STX16: variants seen among roughly 807,000 people sequenced by gnomAD.
The protein encoded by STX16 is syntaxin 16, also known as syntaxin-16.
A neutral mutation model predicts 42.7 loss-of-function variants in STX16; 28 were observed. That is an observed-to-expected ratio of 0.66 (90% CI 0.49 to 0.90). STX16 has a LOEUF of 0.90. Among genes scored for constraint, STX16 ranks in the 40% least tolerant of loss-of-function variants. The pLI is 0.00. For synonymous variants in STX16, 156 were observed against 155.2 expected, an observed-to-expected ratio of 1.00 and a Z score of -0.04; for missense variants, 361 against 420.9, an observed-to-expected ratio of 0.86 and a Z score of 1.24.
At chr20:58,665,789 C>T (rs971132458) in intron 2 of STX16, among the ~76,000 whole-genome samples, 39 of 152,264 alleles carry the variant, frequency 2.6e-4, no homozygotes, top group Admixed American at 2.2e-3. Flanking sequence ...TTAATCACGG[C>T]TCCTGGACGT....
Position 58,652,024 on chromosome 20 carries a change from A to G in STX16, c.18A>G (p.Leu6=). The change falls in exon 1 of 9, where the codon TTA becomes TTG. Residue 6 remains leucine (L), a synonymous_variant. Coordinates refer to ENST00000371141, the MANE Select transcript of STX16 (RefSeq NM_001001433.3). ...GGTGAGACATGGCCACCAGGCGTTT[A>G]ACCGACGCTTTCTTGTTGTTGCGGA... MATRR[L]TDAFLLLRNN... is the part of the protein sequence containing the mutation. 6.2e-7 allele frequency: 1 copy of G among 1,614,148 alleles called. No homozygotes were observed. Among genetic ancestry groups the G allele is most frequent in the Non-Finnish European group, 8.5e-7 (1 of 1,179,988 alleles).
In STX16 at chr20:58,651,958, A is replaced by C; in HGVS notation, c.-49A>C. 6.3e-7 allele frequency: 1 copy of C among 1,598,688 alleles called. No homozygotes were observed. Among genetic ancestry groups the C allele is most frequent in the East Asian group, 2.2e-5 (1 of 44,676 alleles). On this transcript the variant is annotated 5_prime_UTR_variant, in exon 1 of 9. Coordinates refer to ENST00000371141, the MANE Select transcript of STX16 (RefSeq NM_001001433.3). ...GAGAAAGAAAGTGAATAAATCAGGA[A>C]TATAAGTGGGCGGGGGGCCCCTGAG...
intron 2 of STX16, among the ~76,000 whole-genome samples, chr20:58,662,253 C>G (rs536221589): frequency 6.6e-6 from 1 of 152,354 alleles, no homozygotes; most frequent in East Asian, 1.9e-4. Context: ...GTGCCTGGGC[C>G]GGGCCCCAGT....
At chr20:58,667,423 G>A in intron 2 of STX16, 67 bp from the exon 3 acceptor site, 1 of 1,238,380 alleles carries the variant, frequency 8.1e-7, no homozygotes, top group Non-Finnish European at 1.2e-6. Context: ...ATTTAAGAGA[G>A]AGTAAGAGTA....
At chr20:58,652,860 A>G (rs2083501731) in intron 1 of STX16, among the ~76,000 whole-genome samples, 1 of 151,288 alleles carries the variant, frequency 6.6e-6, no homozygotes, top group South Asian at 2.1e-4. Flanking sequence ...CCCGTAAAAT[A>G]GCACTTTTTT....
In STX16 at chr20:58,673,687, A is replaced by G. The variant is rs1205061699; in HGVS notation, c.849A>G (p.Glu283=). Residue 283 remains glutamate, a synonymous_variant, in exon 8 of 9, where the codon GAA becomes GAG. Transcript: ENST00000371141. The stretch of plus-strand genomic sequence containing the variant: ...TTGAACAGTCCTGTATCAAAACTGA[A>G]GATGGTTTGAAACAGCTTCACAAGG... The part of the protein sequence containing the change: ...YNVEQSCIKT[E]DGLKQLHKAE... The G allele has an allele frequency of 6.2e-7, 1 of 1,613,462 alleles. No homozygotes were observed. Among genetic ancestry groups the G allele is most frequent in the South Asian group, 1.1e-5 (1 of 91,076 alleles).
At position 58,674,782 on chromosome 20, in the gene STX16, A is replaced by G. The variant is rs116852944; in HGVS notation, c.873+1071A>G. On this transcript the variant is annotated intron_variant, in intron 8 of 8. Coordinates refer to ENST00000371141, the MANE Select transcript of STX16 (RefSeq NM_001001433.3). Reference sequence around the variant, plus strand: ...GCCCTGTCTATTAAAAGTGAAAACTAACTTAAGTTTCTCACTCTGTAATAC... The same window carrying G: ...GCCCTGTCTATTAAAAGTGAAAACTGACTTAAGTTTCTCACTCTGTAATAC... 7.7e-4 allele frequency among the ~76,000 whole-genome samples: 118 copies of G among 152,330 alleles called. 1 individual carries two copies. Among genetic ancestry groups the G allele is most frequent in the Admixed American group, 1.6e-3 (24 of 15,294 alleles).
At chr20:58,660,359 A>G (rs1235305076) in intron 2 of STX16, among the ~76,000 whole-genome samples, 1 of 152,186 alleles carries the variant, frequency 6.6e-6, no homozygotes, top group African/African-American at 2.4e-5. Flanking sequence ...AGACCTTTTA[A>G]GTAGAGTGAT....
chr20:58,675,996 G>A (rs1038567194), intron 8 of STX16, among the ~76,000 whole-genome samples, 191 bp from the exon 9 acceptor site: 1 of 152,146 alleles, frequency 6.6e-6, no homozygotes, highest in Admixed American at 6.5e-5. Context: ...GCAGCACCAG[G>A]ATCATGGGGC....
Position 58,651,722 on chromosome 20 carries a change from A to G in STX16, c.-285A>G. 1 of 337,016 alleles carries G rather than the reference A, an allele frequency of 3.0e-6. No individual in the cohort carries two copies. Among genetic ancestry groups the G allele is most frequent in the Non-Finnish European group, 5.6e-6 (1 of 177,826 alleles). 20.9% of individuals were successfully genotyped at this position (337,016 alleles called of 1,614,324 possible). On this transcript the variant is annotated 5_prime_UTR_variant, in exon 1 of 9. Transcript: ENST00000371141. ...GTTGGATTGGGGTGGGGTCTCTGGG[A>G]CGTTGGATCGCTACGCAAGGATTGG... is the stretch of plus-strand genomic sequence containing the variant.
At chr20:58,668,848 AAATG>A (rs1361100797) in intron 4 of STX16, among the ~76,000 whole-genome samples, 1 of 152,160 alleles carries the variant, frequency 6.6e-6, no homozygotes. Context: ...CTGAAATCCA[AAATG>A]CTCCAAAATT....
At chr20:58,669,544 T>A (rs539050996) in intron 5 of STX16, 91 bp downstream of exon 5, 86 of 1,402,630 alleles carry the variant, frequency 6.1e-5, no homozygotes, top group Admixed American at 8.3e-5. Flanking sequence ...TTTAGTCCAG[T>A]ACCTTTCATT....
intron 2 of STX16, among the ~76,000 whole-genome samples, chr20:58,664,757 A>G (rs2083777598): frequency 1.3e-5 from 2 of 152,266 alleles, no homozygotes; most frequent in African/African-American, 2.4e-5. Context: ...ATTTAGATAG[A>G]TACCATCTCT....
intron 7 of STX16, 68 bp from the exon 8 acceptor site, chr20:58,673,563 C>A: frequency 9.3e-7 from 1 of 1,074,276 alleles, no homozygotes; most frequent in Non-Finnish European, 1.4e-6. Context: ...ATTTGCATAT[C>A]TCATTTTTGA....
At chr20:58,673,099 G>C (rs1223170778) in intron 7 of STX16, among the ~76,000 whole-genome samples, 1 of 152,134 alleles carries the variant, frequency 6.6e-6, no homozygotes, top group African/African-American at 2.4e-5. Flanking sequence ...TTCCCCTTGA[G>C]TCCAAATTTT....
At chr20:58,668,308 G>C (rs1240035711) in intron 4 of STX16, among the ~76,000 whole-genome samples, 181 bp downstream of exon 4, 3 of 152,224 alleles carry the variant, frequency 2.0e-5, no homozygotes, top group Non-Finnish European at 4.4e-5. Flanking sequence ...GGCCTTGGAG[G>C]TATGGGGACT....
intron 1 of STX16, among the ~76,000 whole-genome samples, chr20:58,658,708 C>T (rs1208800305): frequency 1.3e-5 from 2 of 151,962 alleles, no homozygotes; most frequent in Non-Finnish European, 2.9e-5. Flanking sequence ...AAAAAAAAGA[C>T]CTAGTTGTTT....
At position 58,658,608 on chromosome 20, in the gene STX16, G is replaced by GT. The variant is rs546004416; in HGVS notation, c.133-1011dup. On this transcript the variant is annotated intron_variant, in intron 1 of 8. Coordinates refer to ENST00000371141, the MANE Select transcript of STX16 (RefSeq NM_001001433.3). ...CACTATTTTTAAATAAGAAAGTTATGTTTTATTTTCTAAATTTACTGCTAA... is the reference window on the plus strand; with the variant it reads ...CACTATTTTTAAATAAGAAAGTTATGTTTTTATTTTCTAAATTTACTGCTAA... 5.2e-3 allele frequency among the ~76,000 whole-genome samples: 784 copies of GT among 152,054 alleles called. 4 individuals carry two copies. The highest frequency in any genetic ancestry group is 8.0e-3 in the Non-Finnish European group (547 of 67,958).
Position 58,678,189 on chromosome 20 carries a change from A to AC in STX16, c.*1899dup, listed in dbSNP as rs1225471273. ...AAACAGTCCACAGTGGCAATACCGG[A>AC]CTTCTGTTCAAGCTTTTTAAAGTGC... On this transcript the variant is annotated 3_prime_UTR_variant, in exon 9 of 9. Coordinates refer to ENST00000371141, the MANE Select transcript of STX16 (RefSeq NM_001001433.3). 1 of 152,204 alleles carries AC rather than the reference A, an allele frequency of 6.6e-6. No individual in the cohort carries two copies. The highest frequency in any genetic ancestry group is 6.5e-5 in the Admixed American group (1 of 15,272). 9.4% of individuals were successfully genotyped at this position (152,204 alleles called of 1,614,324 possible).
Sources: allele counts gnomAD v4.1 joint callset (sites outside exome capture counted in the v4.1 genomes callset), GRCh38; gene constraint gnomAD v4.1.1; transcripts MANE v1.5; gene names NCBI Gene and HGNC (gene_info 2026-07-23, HGNC 2026-07-21).